The following LEKR1 variants were observed in gnomAD, a reference collection of about 807,000 sequenced individuals.
The protein encoded by LEKR1 is leucine, glutamate and lysine rich 1.
LEKR1 carries 59 observed loss-of-function variants against 72.4 expected under a neutral mutation model. The observed-to-expected ratio is 0.82, with a 90% CI of 0.66 to 1.01. LEKR1 has a LOEUF of 1.01. Among genes scored for constraint, LEKR1 ranks in the 50% least tolerant of loss-of-function variants. The pLI, the probability that LEKR1 is intolerant of heterozygous loss-of-function variation, is 0.00. For synonymous variants in LEKR1, 257 were observed against 263.2 expected (o/e 0.98, Z 0.23); for missense variants, 728 against 759.2 (o/e 0.96, Z 0.48).
chr3:157,011,473 G>C lies in LEKR1; in HGVS notation c.1170G>C (p.Gln390His). The C allele has an allele frequency of 6.2e-7, 1 of 1,613,026 alleles. No homozygotes were observed. The highest frequency in any genetic ancestry group is 1.3e-5 in the African/African-American group (1 of 74,994). ...AGCAGCTGCAAGAAACCCTTAGACA[G>C]AAGCTGCTGAGTGATGATAACTGGA... ...SIEQLQETLRQKLLSDDNWKE... is the reference protein window; with the variant it reads ...SIEQLQETLRHKLLSDDNWKE... The change falls in exon 10 of 13, where the codon CAG becomes CAC. Residue 390 changes from glutamine to histidine, a missense_variant. Gln to His is a conservative substitution (Grantham distance 24). Coordinates refer to ENST00000356539, the MANE Select transcript of LEKR1 (RefSeq NM_001004316.3).
At chr3:156,885,846 A>G (rs1256448554) in intron 3 of LEKR1, among the ~76,000 whole-genome samples, 1 of 152,206 alleles carries the variant, frequency 6.6e-6, no homozygotes, top group Admixed American at 6.5e-5. Flanking sequence ...TCCTGGGATC[A>G]GGGTTATTCT....
Position 156,853,897 on chromosome 3 carries a change from A to G in LEKR1, c.263+915A>G, listed in dbSNP as rs1166635266. Among the ~76,000 whole-genome samples the G allele has an allele frequency of 2.0e-5, 3 of 151,976 alleles. No individual in the cohort carries two copies. In the East Asian group the frequency reaches 5.8e-4, roughly 29 times the overall value. ...ACAATTTTTAATTTGGAGGGGTTTT[A>G]CCTGTCAGGGATTCTTTTGTTTGGT... On this transcript the variant is annotated intron_variant, in intron 3 of 12. Coordinates refer to ENST00000356539, the MANE Select transcript of LEKR1 (RefSeq NM_001004316.3).
chr3:157,005,820 T>C (rs1039412210), intron 9 of LEKR1, among the ~76,000 whole-genome samples: 1 of 152,108 alleles, frequency 6.6e-6, no homozygotes, highest in African/African-American at 2.4e-5. Flanking sequence ...TAATATACAA[T>C]GATATTTAGA....
At chr3:157,038,129 A>G (rs1370399592) in intron 12 of LEKR1, among the ~76,000 whole-genome samples, 1 of 152,138 alleles carries the variant, frequency 6.6e-6, no homozygotes, top group African/African-American at 2.4e-5. Flanking sequence ...CTGTGTAGAA[A>G]ATAGGTTGAA....
intron 4 of LEKR1, among the ~76,000 whole-genome samples, chr3:156,923,133 C>G (rs1460004904): frequency 3.9e-5 from 6 of 152,140 alleles, no homozygotes; most frequent in Non-Finnish European, 7.4e-5. Flanking sequence ...TACCCCGTAT[C>G]TTTTTAAAAA....
chr3:156,866,078 G>C (rs929106987), intron 3 of LEKR1, among the ~76,000 whole-genome samples: 1 of 152,014 alleles, frequency 6.6e-6, no homozygotes, highest in African/African-American at 2.4e-5. Flanking sequence ...ACCTAACAGT[G>C]TCTGGCACAT....
rs569130687 is a variant in LEKR1, at chr3:156,980,310, A to G, written c.827+1035A>G. On this transcript the variant is annotated intron_variant, in intron 7 of 12. Transcript: ENST00000356539. Reference sequence around the variant, plus strand: ...CTGAACACAAGAAGGAACAAATACCAAAAATACCCTATCAAATTAATGTAT... The same window carrying G: ...CTGAACACAAGAAGGAACAAATACCGAAAATACCCTATCAAATTAATGTAT... 2.4e-3 allele frequency among the ~76,000 whole-genome samples: 361 copies of G among 152,318 alleles called. 2 individuals are homozygous for G. The highest frequency in any genetic ancestry group is 8.4e-3 in the African/African-American group (351 of 41,580).
chr3:156,967,912 C>T (rs1468077070), intron 6 of LEKR1, among the ~76,000 whole-genome samples: 2 of 152,220 alleles, frequency 1.3e-5, no homozygotes, highest in Non-Finnish European at 2.9e-5. Context: ...GCCCATTAGA[C>T]TAACAGCAGA....
Position 157,045,518 on chromosome 3 carries a change from A to G in LEKR1, c.1847A>G (p.Asn616Ser). Reference sequence around the variant, plus strand: ...ACCTCCCCTGCTGCAGCAGTCAGTAATCATGGAGAGAGAAGCCTTGCAAGA... The same window carrying G: ...ACCTCCCCTGCTGCAGCAGTCAGTAGTCATGGAGAGAGAAGCCTTGCAAGA... Reference protein sequence around the residue: ...SLTSPAAAVSNHGERSLARLN... With the variant: ...SLTSPAAAVSSHGERSLARLN... Residue 616 changes from asparagine to serine, a missense_variant, in exon 13 of 13, where the codon AAT becomes AGT. Transcript: ENST00000356539. 1.9e-6 allele frequency: 3 copies of G among 1,614,144 alleles called. No individual in the cohort carries two copies. The highest frequency in any genetic ancestry group is 2.2e-5 in the South Asian group (2 of 91,080).
chr3:156,994,213 T>G (rs1279850291), intron 9 of LEKR1, among the ~76,000 whole-genome samples: 1 of 152,106 alleles, frequency 6.6e-6, no homozygotes, highest in Non-Finnish European at 1.5e-5. Context: ...CTTTGAGTCC[T>G]CCTTTGCAAA....
intron 2 of LEKR1, among the ~76,000 whole-genome samples, chr3:156,832,022 G>T (rs1296382089): frequency 1.3e-5 from 2 of 152,326 alleles, no homozygotes; most frequent in Admixed American, 6.5e-5. Flanking sequence ...ACTTCTTCCT[G>T]CTCACAGGGG....
intron 4 of LEKR1, among the ~76,000 whole-genome samples, chr3:156,925,730 T>A (rs898495747): frequency 6.6e-6 from 1 of 152,008 alleles, no homozygotes; most frequent in African/African-American, 2.4e-5. Context: ...AGGTTTTTCC[T>A]CTCTCTCACT....
intron 6 of LEKR1, among the ~76,000 whole-genome samples, chr3:156,949,445 A>T (rs1174363879): frequency 6.6e-6 from 1 of 151,460 alleles, no homozygotes; most frequent in African/African-American, 2.4e-5. Context: ...TGTTTTTGTC[A>T]GCTTTATCAA....
At chr3:156,871,962 A>T (rs1052186744) in intron 3 of LEKR1, among the ~76,000 whole-genome samples, 1 of 152,112 alleles carries the variant, frequency 6.6e-6, no homozygotes, top group Admixed American at 6.6e-5. Flanking sequence ...AGAATGAGGC[A>T]GGGAGAATTC....
chr3:156,887,895 A>G (rs985144489), intron 3 of LEKR1, among the ~76,000 whole-genome samples: 1 of 152,160 alleles, frequency 6.6e-6, no homozygotes, highest in African/African-American at 2.4e-5. Flanking sequence ...TCACCTCTCT[A>G]TATATCATTT....
At chr3:156,953,128 A>G (rs761281526) in intron 6 of LEKR1, among the ~76,000 whole-genome samples, 14 of 150,596 alleles carry the variant, frequency 9.3e-5, no homozygotes, top group Non-Finnish European at 2.1e-4. Context: ...GGCAATCAGA[A>G]TTAGGTGAAT....
chr3:157,039,732 C>T (rs1297746899), intron 12 of LEKR1, among the ~76,000 whole-genome samples: 1 of 152,072 alleles, frequency 6.6e-6, no homozygotes, highest in African/African-American at 2.4e-5. Context: ...AGTTTATTTG[C>T]AAGAGGGACT....
At chr3:156,881,046 C>T (rs984120509) in intron 3 of LEKR1, among the ~76,000 whole-genome samples, 8 of 152,170 alleles carry the variant, frequency 5.3e-5, no homozygotes, top group Non-Finnish European at 7.3e-5. Context: ...CAATATCATA[C>T]TGAATGGGCA....
intron 3 of LEKR1, among the ~76,000 whole-genome samples, chr3:156,885,335 C>T (rs1040341522): frequency 2.6e-5 from 4 of 152,082 alleles, no homozygotes; most frequent in Admixed American, 6.6e-5. Context: ...CTGGTGTGAT[C>T]TTTTGGGGAT....
Sources: gnomAD v4.1 joint callset for allele counts (sites outside exome capture counted in the v4.1 genomes callset) on GRCh38, gnomAD v4.1.1 for gene constraint, MANE v1.5 for transcripts, NCBI Gene and HGNC (gene_info 2026-07-23, HGNC 2026-07-21) for gene names.